MRTFA: variants seen among roughly 807,000 people sequenced by gnomAD.
MRTFA encodes the protein myocardin related transcription factor A.
A neutral mutation model predicts 83.5 loss-of-function variants in MRTFA; 20 were observed. The ratio of observed to expected loss-of-function variants is 0.24; its 90% confidence interval spans 0.17 to 0.35. The LOEUF (loss-of-function observed/expected upper bound fraction) is 0.35, where lower values mean the gene tolerates loss of function less well. Among genes scored for constraint, MRTFA ranks in the 10% least tolerant of loss-of-function variants. The pLI, the probability that MRTFA is intolerant of heterozygous loss-of-function variation, is 1.00. For missense variants in MRTFA, 1,200 were observed against 1,224.7 expected, an observed-to-expected ratio of 0.98 and a Z score of 0.30; for synonymous variants, 659 against 541.2, an observed-to-expected ratio of 1.22 and a Z score of -3.02.
At chr22:40,595,116 CTTTTTTTTTTTTT>C (rs778797295) in intron 1 of MRTFA, among the ~76,000 whole-genome samples, 1 of 119,302 alleles carries the variant, frequency 8.4e-6, no homozygotes, top group Non-Finnish European at 1.7e-5. Context: ...TGATAAATGC[CTTTTTTTTTTTTT>C]TTTTTTTTGG....
At chr22:40,497,711 C>T (rs2054379879) in intron 3 of MRTFA, among the ~76,000 whole-genome samples, 1 of 151,616 alleles carries the variant, frequency 6.6e-6, no homozygotes, top group Non-Finnish European at 1.5e-5. Flanking sequence ...TGAGATCGCA[C>T]CACTGCACTT....
chr22:40,473,624 G>C (rs887040054), intron 3 of MRTFA, among the ~76,000 whole-genome samples: 1 of 152,130 alleles, frequency 6.6e-6, no homozygotes, highest in Admixed American at 6.6e-5. Flanking sequence ...TTCAGCAACA[G>C]ACACCAATAC....
intron 3 of MRTFA, among the ~76,000 whole-genome samples, chr22:40,527,654 G>T (rs969001367): frequency 6.6e-6 from 1 of 151,654 alleles, no homozygotes; most frequent in Non-Finnish European, 1.5e-5. Flanking sequence ...AGCTACTTGG[G>T]AGGCTGAGGC....
intron 3 of MRTFA, among the ~76,000 whole-genome samples, chr22:40,470,231 T>TTATATATATATATATATA (rs71328709): frequency 3.5e-4 from 16 of 45,624 alleles, no homozygotes; most frequent in African/African-American, 5.0e-4. Flanking sequence ...CTCCAAAATT[T>TTATATATATATATATATA]TATATATATA....
At position 40,552,218 on chromosome 22, in the gene MRTFA, C is replaced by A; in HGVS notation, c.129G>T (p.Gln43His). 2.5e-6 allele frequency: 1 copy of A among 399,064 alleles called. No homozygotes were observed. The highest frequency in any genetic ancestry group is 4.4e-6 in the Non-Finnish European group (1 of 226,110). 24.7% of individuals were successfully genotyped at this position (399,064 alleles called of 1,614,324 possible). ...GCAGTTCATTGGCAACAGCTTCACT[C>A]TGGGGACTGGGTGCCGCAGATAAGG... Residue 43 changes from glutamine (Q) to histidine (H), a missense_variant, in exon 3 of 15, where the codon CAG (glutamine) becomes CAT (histidine). Transcript: ENST00000355630.
chr22:40,570,577 CAAAAAAAAAAAAAA>C (rs894548892), intron 2 of MRTFA, among the ~76,000 whole-genome samples: 12 of 23,150 alleles, frequency 5.2e-4, no homozygotes, highest in African/African-American at 1.0e-3. Context: ...GACTCTGTCT[CAAAAAAAAAAAAAA>C]AAAAAAAAAA....
At chr22:40,448,273 G>T (rs1206287607) in intron 4 of MRTFA, among the ~76,000 whole-genome samples, 1 of 152,128 alleles carries the variant, frequency 6.6e-6, no homozygotes, top group Non-Finnish European at 1.5e-5. Flanking sequence ...TCACACCACT[G>T]CACTCCAGCC....
At chr22:40,595,844 T>A (rs1351284412) in intron 1 of MRTFA, among the ~76,000 whole-genome samples, 1 of 141,066 alleles carries the variant, frequency 7.1e-6, no homozygotes, top group Non-Finnish European at 1.5e-5. Flanking sequence ...AGAGACAGAA[T>A]CAATGGTATA....
intron 3 of MRTFA, among the ~76,000 whole-genome samples, chr22:40,482,502 C>G (rs763883558): frequency 2.0e-5 from 3 of 152,168 alleles, no homozygotes; most frequent in Non-Finnish European, 4.4e-5. Flanking sequence ...GTGCAACCAA[C>G]TCCATCATGT....
At chr22:40,494,208 A>C (rs545105339) in intron 3 of MRTFA, among the ~76,000 whole-genome samples, 3 of 152,322 alleles carry the variant, frequency 2.0e-5, no homozygotes, top group Admixed American at 2.0e-4. Flanking sequence ...AAATAAACTC[A>C]AATGCCTTTT....
intron 2 of MRTFA, among the ~76,000 whole-genome samples, chr22:40,584,944 C>A (rs1345317947): frequency 6.6e-6 from 1 of 152,082 alleles, no homozygotes; most frequent in Non-Finnish European, 1.5e-5. Flanking sequence ...ACCTGAGAGT[C>A]TGCGGTGGTA....
intron 4 of MRTFA, among the ~76,000 whole-genome samples, chr22:40,459,638 A>G (rs1229310030): frequency 6.6e-6 from 1 of 151,672 alleles, no homozygotes; most frequent in Non-Finnish European, 1.5e-5. Context: ...CAGAATTCCA[A>G]CAGGTTTTCA....
intron 4 of MRTFA, among the ~76,000 whole-genome samples, chr22:40,445,783 C>G (rs945560609): frequency 6.6e-6 from 1 of 152,158 alleles, no homozygotes; most frequent in Non-Finnish European, 1.5e-5. Context: ...CTCCTCACCT[C>G]GTGATCCACC....
intron 6 of MRTFA, among the ~76,000 whole-genome samples, chr22:40,431,114 T>TAAACA (rs987661754): frequency 2.0e-4 from 30 of 152,150 alleles, no homozygotes; most frequent in African/African-American, 7.2e-4. Context: ...GACTGTGTCT[T>TAAACA]AAACAAAACA....
chr22:40,595,312 G>C (rs927728453), intron 1 of MRTFA, among the ~76,000 whole-genome samples: 4 of 151,312 alleles, frequency 2.6e-5, no homozygotes, highest in East Asian at 3.9e-4. Flanking sequence ...TAGTGGAGAC[G>C]GGGTTTCACC....
At chr22:40,508,847 CAAAA>C (rs67844311) in intron 3 of MRTFA, among the ~76,000 whole-genome samples, 5 of 111,044 alleles carry the variant, frequency 4.5e-5, no homozygotes, top group Non-Finnish European at 1.9e-5. Flanking sequence ...CTGCCTCTAC[CAAAA>C]AAAAAAAAAA....
At chr22:40,502,564 C>G (rs2054510595) in intron 3 of MRTFA, among the ~76,000 whole-genome samples, 1 of 144,138 alleles carries the variant, frequency 6.9e-6, no homozygotes, top group Non-Finnish European at 1.5e-5. Context: ...TCCTCACTTT[C>G]CAGACTGGGC....
chr22:40,462,330 T>TTGAA (rs576201937), intron 4 of MRTFA, among the ~76,000 whole-genome samples: 304 of 152,198 alleles, frequency 2.0e-3, no homozygotes, highest in African/African-American at 5.3e-3. Context: ...CTCAAAGATT[T>TTGAA]TGAATGAATG....
chr22:40,586,928 T>C, intron 2 of MRTFA: 1 of 441,824 alleles, frequency 2.3e-6, no homozygotes, highest in Non-Finnish European at 4.6e-6. Flanking sequence ...GTGCTGGTGC[T>C]GCTGCTGCTG....
Sources: gnomAD v4.1 joint callset for allele counts (sites outside exome capture counted in the v4.1 genomes callset) on GRCh38, gnomAD v4.1.1 for gene constraint, MANE v1.5 for transcripts, NCBI Gene and HGNC (gene_info 2026-07-23, HGNC 2026-07-21) for gene names.